Variants in DGKH observed in about 807,000 individuals in gnomAD.
DGKH encodes the protein diacylglycerol kinase eta, also known as DAG kinase eta.
Under a neutral mutation model 159.3 loss-of-function variants are expected in DGKH, and 90 were observed. The observed-to-expected ratio is 0.57, with a 90% CI of 0.48 to 0.67. The LOEUF (loss-of-function observed/expected upper bound fraction) is 0.67, where lower values mean the gene tolerates loss of function less well. Among genes scored for constraint, DGKH ranks in the 30% least tolerant of loss-of-function variants. DGKH has a pLI of 0.00. For missense variants in DGKH, 1,181 were observed against 1,506.1 expected (o/e 0.78, Z 3.57); for synonymous variants, 536 against 553.8 (o/e 0.97, Z 0.45).
chr13:42,066,288 G>T (rs1008513792), intron 1 of DGKH: 2 of 152,202 alleles, frequency 1.3e-5, no homozygotes, highest in African/African-American at 4.8e-5. Context: ...ACTGTTCACT[G>T]ATGGATGAAT....
chr13:42,088,533 G>T (rs927091646), intron 1 of DGKH, among the ~76,000 whole-genome samples: 1 of 152,002 alleles, frequency 6.6e-6, no homozygotes, highest in African/African-American at 2.4e-5. Context: ...TACTGTAACC[G>T]AAGAGAAAAT....
At chr13:42,189,375 T>C in intron 15 of DGKH, 66 bp downstream of exon 15, 1 of 1,595,086 alleles carries the variant, frequency 6.3e-7, no homozygotes, top group Non-Finnish European at 8.6e-7. Flanking sequence ...ATAACGGAGT[T>C]TCCATAGTGG....
intron 3 of DGKH, among the ~76,000 whole-genome samples, chr13:42,151,349 C>T (rs1024830438): frequency 6.6e-5 from 10 of 151,600 alleles, no homozygotes; most frequent in African/African-American, 1.5e-4. Context: ...TTAACTCCCA[C>T]GTATAAGTGA....
At chr13:42,161,706 G>T (rs1470296275) in intron 7 of DGKH, among the ~76,000 whole-genome samples, 1 of 151,948 alleles carries the variant, frequency 6.6e-6, no homozygotes, top group Non-Finnish European at 1.5e-5. Flanking sequence ...CTTGAACCCA[G>T]GAGGCGGAGG....
chr13:42,046,177 C>G (rs1880784533), upstream of DGKH, among the ~76,000 whole-genome samples: 1 of 152,144 alleles, frequency 6.6e-6, no homozygotes, highest in Non-Finnish European at 1.5e-5. Context: ...ACTGAAAAAT[C>G]TGAAATCACT....
rs542523459 is a variant in DGKH at position 42,089,774 on chromosome 13, C to T, written c.193-37689C>T. Among the ~76,000 whole-genome samples the T allele has an allele frequency of 3.9e-3, 593 of 152,298 alleles. 2 individuals carry two copies. The highest frequency in any genetic ancestry group is 0.014 in the African/African-American group (563 of 41,552). ...ATCAGCTGATGAGCAAACTTAACTT[C>T]ATCTGGAAACTTAATCCCCCTTTGC... On this transcript the variant is annotated intron_variant, in intron 1 of 29. Coordinates refer to ENST00000337343, the MANE Select transcript of DGKH (RefSeq NM_178009.5).
chr13:42,171,717 T>G (rs961429932), intron 11 of DGKH, among the ~76,000 whole-genome samples: 1 of 151,322 alleles, frequency 6.6e-6, no homozygotes, highest in African/African-American at 2.4e-5. Context: ...TTAGCTTCAT[T>G]GGGGAAGCCT....
chr13:42,171,830 T>TTTC (rs1491087049), intron 11 of DGKH, among the ~76,000 whole-genome samples: 1 of 4,874 alleles, frequency 2.1e-4, no homozygotes, highest in Non-Finnish European at 1.1e-3. Context: ...ATAAATTTCT[T>TTTC]TTTTTTTTTT....
chr13:42,210,693 C>T lies in DGKH; in HGVS notation c.2942C>T (p.Ala981Val). The T allele has an allele frequency of 1.2e-6, 2 of 1,612,170 alleles. No homozygotes were observed. Among genetic ancestry groups the T allele is most frequent in the South Asian group, 1.1e-5 (1 of 90,990 alleles). Residue 981 changes from alanine (A) to valine (V), a missense_variant, in exon 24 of 30, where the codon GCC becomes GTC. Transcript: ENST00000337343. ...CGAACCCATTTGTACATCCATCACG[C>T]CATTGACTTGGCAACAGAAGAGGTG... ...VLRTHLYIHH[A>V]IDLATEEVSQ...
chr13:42,065,940 C>T (rs1350602522), intron 1 of DGKH, among the ~76,000 whole-genome samples: 2 of 152,146 alleles, frequency 1.3e-5, no homozygotes, highest in Admixed American at 1.3e-4. Context: ...TTCTGTGATC[C>T]AGGCTGGAGT....
rs150673177 is a variant in DGKH, at chr13:42,150,676, A to G, written c.385-4615A>G. ...GTAACCATAGATATTAATTGATATT[A>G]TTGAAATTACGAATATAAGAGAATA... On this transcript the variant is annotated intron_variant, in intron 3 of 29. Coordinates refer to ENST00000337343, the MANE Select transcript of DGKH (RefSeq NM_178009.5). Among the ~76,000 whole-genome samples, 225 of 152,344 alleles carry G rather than the reference A, an allele frequency of 1.5e-3. 1 individual carries two copies. Among genetic ancestry groups the G allele is most frequent in the African/African-American group, 5.1e-3 (213 of 41,572 alleles).
At chr13:42,060,998 T>A (rs1191836801) in intron 1 of DGKH, among the ~76,000 whole-genome samples, 2 of 151,722 alleles carry the variant, frequency 1.3e-5, no homozygotes, top group South Asian at 2.1e-4. Context: ...ACAGGAGGAG[T>A]TTAGGAGCGG....
At chr13:42,126,614 A>G (rs937268895) in intron 1 of DGKH, among the ~76,000 whole-genome samples, 1 of 152,180 alleles carries the variant, frequency 6.6e-6, no homozygotes, top group Admixed American at 6.5e-5. Flanking sequence ...GTCCCTGCCT[A>G]CCTCTTACAG....
chr13:42,160,004 T>C lies in DGKH; in HGVS notation c.730-7T>C, dbSNP rs1481214210. ...TCACCTGGCTGCCCTTTCTTCCTTC[T>C]CCACAGGTCGCGATGCCTCACCAGT... On this transcript the variant is annotated splice_polypyrimidine_tract_variant and splice_region_variant and intron_variant, in intron 6 of 29. Coordinates refer to ENST00000337343, the MANE Select transcript of DGKH (RefSeq NM_178009.5). The C allele has an allele frequency of 1.2e-6, 2 of 1,614,072 alleles. No homozygotes were observed. The highest frequency in any genetic ancestry group is 1.7e-6 in the Non-Finnish European group (2 of 1,180,040).
In DGKH at chr13:42,062,825, G is replaced by A. The variant is rs1221743112; in HGVS notation, c.192+13860G>A. ...GAATAAATGGCATGTACTTGAAACA[G>A]TTCTCGGGTTAAACCAGGTATCTGC... On this transcript the variant is annotated intron_variant, in intron 1 of 29. Transcript: ENST00000337343. Among the ~76,000 whole-genome samples, 12 of 152,338 alleles carry A rather than the reference G, an allele frequency of 7.9e-5. No individual in the cohort carries two copies. The East Asian group carries it at 2.3e-3, about 29-fold the overall frequency.
chr13:42,119,124 C>G (rs905286666), intron 1 of DGKH, among the ~76,000 whole-genome samples: 1 of 152,136 alleles, frequency 6.6e-6, no homozygotes, highest in African/African-American at 2.4e-5. Context: ...TTGGGTGACA[C>G]CAGATGCTAC....
At chr13:42,173,982 TGC>T (rs66477624) in intron 11 of DGKH, 76 bp from the exon 12 acceptor site, 9 of 811,512 alleles carry the variant, frequency 1.1e-5, no homozygotes, top group South Asian at 3.0e-5. Context: ...TGTGTGTGTG[TGC>T]GCGTTTATGA....
intron 1 of DGKH, among the ~76,000 whole-genome samples, chr13:42,095,845 G>T (rs1308319895): frequency 1.3e-5 from 2 of 152,150 alleles, no homozygotes; most frequent in Non-Finnish European, 2.9e-5. Context: ...CTATGCATTT[G>T]TTGGCATTCT....
intron 16 of DGKH, among the ~76,000 whole-genome samples, chr13:42,194,438 CA>C (rs1957155680): frequency 6.6e-6 from 1 of 152,202 alleles, no homozygotes; most frequent in South Asian, 2.1e-4. Flanking sequence ...TGGCCTCTTC[CA>C]TTTATTGAAG....
Sources: allele counts gnomAD v4.1 joint callset (sites outside exome capture counted in the v4.1 genomes callset), GRCh38; gene constraint gnomAD v4.1.1; transcripts MANE v1.5; gene names NCBI Gene and HGNC (gene_info 2026-07-23, HGNC 2026-07-21).